Variants in CLDN9 observed in about 807,000 individuals in gnomAD.
CLDN9 encodes the protein claudin-9.
CLDN9 carries 14 observed loss-of-function variants against 10.1 expected under a neutral mutation model. The ratio of observed to expected loss-of-function variants is 1.38; its 90% CI spans 0.91 to 2.16. The LOEUF (loss-of-function observed/expected upper bound fraction) is 2.16, where lower values mean the gene tolerates loss of function less well. Among genes scored for constraint, CLDN9 ranks in the 30% most tolerant of loss-of-function variants. The pLI, the probability that CLDN9 is intolerant of heterozygous loss-of-function variation, is 0.00. For missense variants in CLDN9, 332 were observed against 294.8 expected, an observed-to-expected ratio of 1.13 and a Z score of -0.93; for synonymous variants, 162 against 143.1, an observed-to-expected ratio of 1.13 and a Z score of -0.95.
In CLDN9 at chr16:3,013,759, C is replaced by T. The variant is rs757738939; in HGVS notation, c.397C>T (p.Leu133Phe). ...VILLLAGILV[L>F]IPVCWTAHAI... ...CCTCCTCCTCGCCGGCATCCTGGTG[C>T]TCATCCCTGTGTGCTGGACGGCGCA... The change falls in exon 1 of 1, where the codon CTC becomes TTC. Residue 133 changes from leucine to phenylalanine, a missense_variant. Physicochemically the swap from Leu to Phe is conservative, Grantham distance 22. Transcript: ENST00000445369. The surrounding 1 kb of genome is among the most constrained non-coding windows in gnomAD (Gnocchi z 6.4). The T allele has an allele frequency of 6.2e-7, 1 of 1,613,384 alleles. No individual in the cohort carries two copies. The highest frequency in any genetic ancestry group is 8.5e-7 in the Non-Finnish European group (1 of 1,179,992).
chr16:3,013,173 C>T lies in CLDN9; in HGVS notation c.-190C>T, dbSNP rs971687123. 1 of 639,324 alleles carries T rather than the reference C, an allele frequency of 1.6e-6. No individual in the cohort carries two copies. Among genetic ancestry groups the T allele is most frequent in the South Asian group, 2.0e-5 (1 of 49,966 alleles). The allele number at this position is 639,324 out of a possible 1,614,324, so 39.6% of individuals were successfully genotyped here. On this transcript the variant is annotated 5_prime_UTR_variant, in exon 1 of 1. Transcript: ENST00000445369. The surrounding 1 kb of genome is among the most constrained non-coding windows in gnomAD (Gnocchi z 6.4). ...TGTGCTCCGCGAGGACCAGAAACACCTGCAAGAGGCACGGAGAGGAGGCGC... is the reference window on the plus strand; with the variant it reads ...TGTGCTCCGCGAGGACCAGAAACACTTGCAAGAGGCACGGAGAGGAGGCGC...
In CLDN9 at chr16:3,014,019, CG is replaced by C; in HGVS notation, c.*5del. 6.6e-7 allele frequency: 1 copy of C among 1,512,618 alleles called. No individual in the cohort carries two copies. Among genetic ancestry groups the C allele is most frequent in the Non-Finnish European group, 8.8e-7 (1 of 1,131,542 alleles). The allele number at this position is 1,512,618 out of a possible 1,614,324, so 93.7% of individuals were successfully genotyped here. On this transcript the variant is annotated 3_prime_UTR_variant, in exon 1 of 1. Transcript: ENST00000445369. ...TGGACAAGAGGGACTACGTGTGAGG[CG>C]GAGGTTTCCCCTGGGAGCCCACTGC...
In CLDN9 at chr16:3,013,438, G is replaced by A. The variant is rs751354671; in HGVS notation, c.76G>A (p.Ala26Thr). Reference sequence around the variant, plus strand: ...CTGGCTGGGGACCCTGGTGTCCTGCGCCCTGCCCCTGTGGAAGGTGACCGC... The same window carrying A: ...CTGGCTGGGGACCCTGGTGTCCTGCACCCTGCCCCTGTGGAAGGTGACCGC... ...LGWLGTLVSCALPLWKVTAFI... is the reference protein window; with the variant it reads ...LGWLGTLVSCTLPLWKVTAFI... The change falls in exon 1 of 1, where the codon GCC becomes ACC. Residue 26 changes from alanine to threonine, a missense_variant. Transcript: ENST00000445369. The surrounding 1 kb of genome is among the most constrained non-coding windows in gnomAD (Gnocchi z 6.4). The A allele has an allele frequency of 1.1e-5, 17 of 1,613,946 alleles. No homozygotes were observed. Among genetic ancestry groups the A allele is most frequent in the East Asian group, 4.5e-5 (2 of 44,884 alleles).
Position 3,014,145 on chromosome 16 carries a change from C to A in CLDN9, c.*129C>A. 9.5e-7 allele frequency: 1 copy of A among 1,058,172 alleles called. No individual in the cohort carries two copies. Among genetic ancestry groups the A allele is most frequent in the Non-Finnish European group, 1.3e-6 (1 of 750,628 alleles). The allele number at this position is 1,058,172 out of a possible 1,614,324, so 65.5% of individuals were successfully genotyped here. On this transcript the variant is annotated 3_prime_UTR_variant, in exon 1 of 1. Coordinates refer to ENST00000445369, the MANE Select transcript of CLDN9 (RefSeq NM_020982.4). ...AAAACCCACTTTCCAAAAGCCCAAG[C>A]TACACCTGGCTGCAGGGCTGGGTCA...
rs370621968 is a variant in CLDN9, at chr16:3,013,746, C to T, written c.384C>T (p.Ala128=). Reference sequence around the variant, plus strand: ...CCGCGGGGGTCATCCTCCTCCTCGCCGGCATCCTGGTGCTCATCCCTGTGT... The same window carrying T: ...CCGCGGGGGTCATCCTCCTCCTCGCTGGCATCCTGGTGCTCATCCCTGTGT... ...VLTAGVILLL[A]GILVLIPVCW... Residue 128 remains alanine (A), a synonymous_variant, in exon 1 of 1, where the codon GCC becomes GCT. Transcript: ENST00000445369. This position sits in a 1 kb window ranked among gnomAD's most constrained non-coding sequence, Gnocchi z 6.4. The T allele has an allele frequency of 7.6e-5, 123 of 1,613,372 alleles. No homozygotes were observed. The highest frequency in any genetic ancestry group is 4.0e-4 in the South Asian group (36 of 91,090).
chr16:3,014,169 C>A lies in CLDN9; in HGVS notation c.*153C>A. 1.2e-6 allele frequency: 1 copy of A among 845,600 alleles called. No individual in the cohort carries two copies. Among genetic ancestry groups the A allele is most frequent in the Non-Finnish European group, 1.8e-6 (1 of 567,914 alleles). The allele number at this position is 845,600 out of a possible 1,614,324, so 52.4% of individuals were successfully genotyped here. A position where few individuals can be genotyped will look rare whatever the true frequency, so the allele number is the denominator to read the frequency against. ...GCTACACCTGGCTGCAGGGCTGGGT[C>A]AGCTGGCCTGGCTGAGCTCTTCTCA... On this transcript the variant is annotated 3_prime_UTR_variant, in exon 1 of 1. Coordinates refer to ENST00000445369, the MANE Select transcript of CLDN9 (RefSeq NM_020982.4).
rs753769971 is a variant in CLDN9, at chr16:3,013,568, C to T, written c.206C>T (p.Ser69Leu). The T allele has an allele frequency of 6.2e-7, 1 of 1,614,026 alleles. No homozygotes were observed. The highest frequency in any genetic ancestry group is 8.5e-7 in the Non-Finnish European group (1 of 1,180,000). The change falls in exon 1 of 1, where the codon TCA (serine) becomes TTA (leucine). Residue 69 changes from serine (S) to leucine (L), a missense_variant. Coordinates refer to ENST00000445369, the MANE Select transcript of CLDN9 (RefSeq NM_020982.4). This position sits in a 1 kb window ranked among gnomAD's most constrained non-coding sequence, Gnocchi z 6.4. ...TGQMQCKVYD[S>L]LLALPQDLQA... is the part of the protein sequence containing the mutation. ...CAGATGCAGTGCAAGGTGTACGACT[C>T]ACTGCTGGCTCTGCCGCAGGACCTG...
Position 3,014,215 on chromosome 16 carries a change from C to A in CLDN9, c.*199C>A, listed in dbSNP as rs547805250. 1.7e-6 allele frequency: 1 copy of A among 573,650 alleles called. No individual in the cohort carries two copies. The highest frequency in any genetic ancestry group is 3.1e-5 in the East Asian group (1 of 32,606). 35.5% of individuals were successfully genotyped at this position (573,650 alleles called of 1,614,324 possible). A position where few individuals can be genotyped will look rare whatever the true frequency, so the allele number is the denominator to read the frequency against. ...TCTCAGTGGGGTCCCCTTTGATGTTCTCCCCCAAGTTGGGCAGCCTAGAGG... is the reference window on the plus strand; with the variant it reads ...TCTCAGTGGGGTCCCCTTTGATGTTATCCCCCAAGTTGGGCAGCCTAGAGG... On this transcript the variant is annotated 3_prime_UTR_variant, in exon 1 of 1. Transcript: ENST00000445369.
Position 3,013,616 on chromosome 16 carries a change from T to A in CLDN9, c.254T>A (p.Val85Asp). Residue 85 changes from valine (V) to aspartate (D), a missense_variant, in exon 1 of 1, where the codon GTC (valine) becomes GAC (aspartate). Physicochemically the swap from Val to Asp is radical, Grantham distance 152. Coordinates refer to ENST00000445369, the MANE Select transcript of CLDN9 (RefSeq NM_020982.4). This position sits in a 1 kb window ranked among gnomAD's most constrained non-coding sequence, Gnocchi z 6.4. Reference sequence around the variant, plus strand: ...CTGCAGGCCGCACGTGCCCTCTGTGTCATTGCCCTCCTGCTGGCCCTGCTT... The same window carrying A: ...CTGCAGGCCGCACGTGCCCTCTGTGACATTGCCCTCCTGCTGGCCCTGCTT... ...QDLQAARALC[V>D]IALLLALLGL... 1 of 1,613,920 alleles carries A rather than the reference T, an allele frequency of 6.2e-7. No homozygotes were observed. Among genetic ancestry groups the A allele is most frequent in the Non-Finnish European group, 8.5e-7 (1 of 1,179,954 alleles).
In CLDN9 at chr16:3,014,243, T is replaced by C. The variant is rs941751294; in HGVS notation, c.*227T>C. 9.3e-5 allele frequency: 44 copies of C among 473,374 alleles called. No homozygotes were observed. The highest frequency in any genetic ancestry group is 2.3e-5 in the Non-Finnish European group (6 of 264,072). 29.3% of individuals were successfully genotyped at this position (473,374 alleles called of 1,614,324 possible). On this transcript the variant is annotated 3_prime_UTR_variant, in exon 1 of 1. Transcript: ENST00000445369. ...CCCCAAGTTGGGCAGCCTAGAGGTG[T>C]TGGGAACCCTGGCCTGCCCCCACCT... is the stretch of plus-strand genomic sequence containing the variant.
Position 3,013,313 on chromosome 16 carries a change from C to T in CLDN9, c.-50C>T, listed in dbSNP as rs771283325. ...CCACCCAGCACACCAGACACACCCT[C>T]TGAGTCACCTAGGCCGCCTGGGGCT... On this transcript the variant is annotated 5_prime_UTR_variant, in exon 1 of 1. Transcript: ENST00000445369. The surrounding 1 kb of genome is among the most constrained non-coding windows in gnomAD (Gnocchi z 6.4). 2.1e-5 allele frequency: 32 copies of T among 1,556,562 alleles called. No homozygotes were observed. The highest frequency in any genetic ancestry group is 2.7e-5 in the Non-Finnish European group (31 of 1,155,050).
At position 3,013,211 on chromosome 16, in the gene CLDN9, G is replaced by A. The variant is rs890172716; in HGVS notation, c.-152G>A. 3.6e-5 allele frequency: 30 copies of A among 836,232 alleles called. No individual in the cohort carries two copies. The highest frequency in any genetic ancestry group is 2.1e-4 in the African/African-American group (12 of 58,178). 51.8% of individuals were successfully genotyped at this position (836,232 alleles called of 1,614,324 possible). A position where few individuals can be genotyped will look rare whatever the true frequency, so the allele number is the denominator to read the frequency against. ...GGAGAGGAGGCGCCTTTCAAGAGGC[G>A]CCTTTCATGGAACTGAGGACTGGCC... is the stretch of plus-strand genomic sequence containing the variant. On this transcript the variant is annotated 5_prime_UTR_variant, in exon 1 of 1. Transcript: ENST00000445369. The surrounding 1 kb of genome is among the most constrained non-coding windows in gnomAD (Gnocchi z 6.4).
In CLDN9 at chr16:3,013,218, A is replaced by G. The variant is rs1213910064; in HGVS notation, c.-145A>G. The G allele has an allele frequency of 8.7e-6, 8 of 921,696 alleles. No individual in the cohort carries two copies. The highest frequency in any genetic ancestry group is 1.3e-5 in the Non-Finnish European group (8 of 630,626). The allele number at this position is 921,696 out of a possible 1,614,324, so 57.1% of individuals were successfully genotyped here. On this transcript the variant is annotated 5_prime_UTR_variant, in exon 1 of 1. An upstream start codon of the reference 5' UTR is lost. Coordinates refer to ENST00000445369, the MANE Select transcript of CLDN9 (RefSeq NM_020982.4). This position sits in a 1 kb window ranked among gnomAD's most constrained non-coding sequence, Gnocchi z 6.4. ...AGGCGCCTTTCAAGAGGCGCCTTTCATGGAACTGAGGACTGGCCTGGCTTG... is the reference window on the plus strand; with the variant it reads ...AGGCGCCTTTCAAGAGGCGCCTTTCGTGGAACTGAGGACTGGCCTGGCTTG...
At position 3,013,160 on chromosome 16, in the gene CLDN9, G is replaced by T; in HGVS notation, c.-203G>T. The T allele has an allele frequency of 1.6e-6, 1 of 617,394 alleles. No homozygotes were observed. Among genetic ancestry groups the T allele is most frequent in the Non-Finnish European group, 2.8e-6 (1 of 355,718 alleles). 38.2% of individuals were successfully genotyped at this position (617,394 alleles called of 1,614,324 possible). On this transcript the variant is annotated 5_prime_UTR_variant, in exon 1 of 1. The change creates a new upstream start codon in the 5' untranslated region. Coordinates refer to ENST00000445369, the MANE Select transcript of CLDN9 (RefSeq NM_020982.4). The surrounding 1 kb of genome is among the most constrained non-coding windows in gnomAD (Gnocchi z 6.4). ...TACGAGTCTGCTTTGTGCTCCGCGA[G>T]GACCAGAAACACCTGCAAGAGGCAC...
rs566533435 is a variant in CLDN9 at position 3,013,288 on chromosome 16, C to G, written c.-75C>G. On this transcript the variant is annotated 5_prime_UTR_variant, in exon 1 of 1. Coordinates refer to ENST00000445369, the MANE Select transcript of CLDN9 (RefSeq NM_020982.4). This position sits in a 1 kb window ranked among gnomAD's most constrained non-coding sequence, Gnocchi z 6.4. ...CCCCTCCTGCTGGACACAGAGACAC[C>G]CACCCAGCACACCAGACACACCCTC... 310 of 1,481,284 alleles carry G rather than the reference C, an allele frequency of 2.1e-4. 2 individuals carry two copies. In the African/African-American group the frequency reaches 3.9e-3, roughly 19 times the overall value. The allele number at this position is 1,481,284 out of a possible 1,614,324, so 91.8% of individuals were successfully genotyped here. A position where few individuals can be genotyped will look rare whatever the true frequency, so the allele number is the denominator to read the frequency against.
In CLDN9 at chr16:3,013,157, C is replaced by T. The variant is rs1039931093; in HGVS notation, c.-206C>T. On this transcript the variant is annotated 5_prime_UTR_variant, in exon 1 of 1. Coordinates refer to ENST00000445369, the MANE Select transcript of CLDN9 (RefSeq NM_020982.4). This position sits in a 1 kb window ranked among gnomAD's most constrained non-coding sequence, Gnocchi z 6.4. ...GACTACGAGTCTGCTTTGTGCTCCG[C>T]GAGGACCAGAAACACCTGCAAGAGG... 1 of 613,284 alleles carries T rather than the reference C, an allele frequency of 1.6e-6. No homozygotes were observed. The highest frequency in any genetic ancestry group is 2.8e-6 in the Non-Finnish European group (1 of 352,422). 38.0% of individuals were successfully genotyped at this position (613,284 alleles called of 1,614,324 possible).
At position 3,013,220 on chromosome 16, in the gene CLDN9, G is replaced by A. The variant is rs750310555; in HGVS notation, c.-143G>A. The A allele has an allele frequency of 7.4e-5, 69 of 932,328 alleles. No homozygotes were observed. The highest frequency in any genetic ancestry group is 1.0e-4 in the Non-Finnish European group (66 of 640,344). 57.8% of individuals were successfully genotyped at this position (932,328 alleles called of 1,614,324 possible). A position where few individuals can be genotyped will look rare whatever the true frequency, so the allele number is the denominator to read the frequency against. The stretch of plus-strand genomic sequence containing the variant: ...GCGCCTTTCAAGAGGCGCCTTTCAT[G>A]GAACTGAGGACTGGCCTGGCTTGGG... On this transcript the variant is annotated 5_prime_UTR_variant, in exon 1 of 1. An upstream start codon of the reference 5' UTR is lost. Transcript: ENST00000445369. The surrounding 1 kb of genome is among the most constrained non-coding windows in gnomAD (Gnocchi z 6.4).
rs958512345 is a variant in CLDN9, at chr16:3,013,409, T to C, written c.47T>C (p.Leu16Pro). ...CTGCTGGGCATGACCCTGGCTGTGC[T>C]GGGCTGGCTGGGGACCCTGGTGTCC... is the stretch of plus-strand genomic sequence containing the variant. ...LELLGMTLAVLGWLGTLVSCA... is the reference protein window; with the variant it reads ...LELLGMTLAVPGWLGTLVSCA... The change falls in exon 1 of 1, where the codon CTG (leucine) becomes CCG (proline). Residue 16 changes from leucine to proline, a missense_variant. Leu to Pro is a moderately conservative substitution (Grantham distance 98). Transcript: ENST00000445369. The surrounding 1 kb of genome is among the most constrained non-coding windows in gnomAD (Gnocchi z 6.4). 3.1e-6 allele frequency: 5 copies of C among 1,613,904 alleles called. No individual in the cohort carries two copies. Among genetic ancestry groups the C allele is most frequent in the Middle Eastern group, 1.6e-4 (1 of 6,078 alleles).
chr16:3,013,583 C>T lies in CLDN9; in HGVS notation c.221C>T (p.Pro74Leu), dbSNP rs77321442. The T allele has an allele frequency of 6.6e-5, 106 of 1,613,970 alleles. 1 individual carries two copies. The highest frequency in any genetic ancestry group is 3.3e-4 in the East Asian group (15 of 44,860). The change falls in exon 1 of 1, where the codon CCG (proline) becomes CTG (leucine). Residue 74 changes from proline to leucine, a missense_variant. Coordinates refer to ENST00000445369, the MANE Select transcript of CLDN9 (RefSeq NM_020982.4). The surrounding 1 kb of genome is among the most constrained non-coding windows in gnomAD (Gnocchi z 6.4). ...GTGTACGACTCACTGCTGGCTCTGCCGCAGGACCTGCAGGCCGCACGTGCC... is the reference window on the plus strand; with the variant it reads ...GTGTACGACTCACTGCTGGCTCTGCTGCAGGACCTGCAGGCCGCACGTGCC... ...CKVYDSLLAL[P>L]QDLQAARALC...
Sources: allele counts gnomAD v4.1 joint callset, GRCh38; gene constraint gnomAD v4.1.1; non-coding constraint Gnocchi (gnomAD v3.1); transcripts MANE v1.5; gene names NCBI Gene and HGNC (gene_info 2026-07-23, HGNC 2026-07-21).